Variants in BCAS4 observed in about 807,000 individuals in gnomAD.
The protein encoded by BCAS4 is breast carcinoma amplified sequence 4, also known as breast carcinoma-amplified sequence 4.
BCAS4 carries 9 observed loss-of-function variants against 15.7 expected under a neutral mutation model. That is an observed-to-expected ratio of 0.57 (90% CI 0.34 to 1.00). The LOEUF (loss-of-function observed/expected upper bound fraction) is 1.00, where lower values mean the gene tolerates loss of function less well. BCAS4 is among the 50% of genes least tolerant of loss of function. The pLI is 0.02. For missense variants in BCAS4, 225 were observed against 239.1 expected (o/e 0.94, Z 0.39); for synonymous variants, 101 against 99.5 (o/e 1.02, Z -0.09).
chr20:50,853,848 T>TG (rs1335304593), intron 4 of BCAS4, among the ~76,000 whole-genome samples: 1 of 115,800 alleles, frequency 8.6e-6, no homozygotes, highest in African/African-American at 4.0e-5. Flanking sequence ...TTTTGTGCAC[T>TG]GTAGATGTTT....
chr20:50,816,013 A>T (rs569847093), intron 1 of BCAS4, among the ~76,000 whole-genome samples: 1 of 151,990 alleles, frequency 6.6e-6, no homozygotes, highest in Non-Finnish European at 1.5e-5. Flanking sequence ...CTTGAGGGGG[A>T]AAAAAAACCT....
At chr20:50,815,875 G>A (rs1465361369) in intron 1 of BCAS4, among the ~76,000 whole-genome samples, 2 of 152,182 alleles carry the variant, frequency 1.3e-5, no homozygotes, top group African/African-American at 2.4e-5. Flanking sequence ...ACGCCTCCCT[G>A]GAGCAGGACG....
chr20:50,839,900 G>T (rs1316059988), intron 3 of BCAS4, among the ~76,000 whole-genome samples: 1 of 152,260 alleles, frequency 6.6e-6, no homozygotes, highest in Non-Finnish European at 1.5e-5. Context: ...ACAAGTAACT[G>T]TTGAGAGGTA....
At chr20:50,867,941 C>T (rs1979437528) in intron 4 of BCAS4, among the ~76,000 whole-genome samples, 1 of 152,136 alleles carries the variant, frequency 6.6e-6, no homozygotes. Context: ...AACACCCACA[C>T]AAAGTGATGG....
intron 2 of BCAS4, among the ~76,000 whole-genome samples, chr20:50,823,188 A>C (rs1286204149): frequency 6.6e-6 from 1 of 151,740 alleles, no homozygotes; most frequent in Non-Finnish European, 1.5e-5. Context: ...AAAAATACAA[A>C]AATTAGTTGG....
chr20:50,821,066 C>G (rs929726772), intron 2 of BCAS4, among the ~76,000 whole-genome samples: 18 of 152,234 alleles, frequency 1.2e-4, no homozygotes, highest in African/African-American at 4.1e-4. Flanking sequence ...CGACCACCTG[C>G]TGTGGGCAGC....
intron 1 of BCAS4, among the ~76,000 whole-genome samples, chr20:50,813,945 G>T (rs993507156): frequency 2.0e-5 from 3 of 152,052 alleles, no homozygotes; most frequent in African/African-American, 7.2e-5. Flanking sequence ...TGCCCAGGGG[G>T]TTGCGAAGAA....
intron 4 of BCAS4, among the ~76,000 whole-genome samples, chr20:50,842,962 T>C (rs2088503010): frequency 6.6e-6 from 1 of 152,248 alleles, no homozygotes; most frequent in South Asian, 2.1e-4. Flanking sequence ...GCCCATTTAG[T>C]GAGTGCTTTT....
chr20:50,822,052 A>G (rs2088222805), intron 2 of BCAS4, among the ~76,000 whole-genome samples: 1 of 152,232 alleles, frequency 6.6e-6, no homozygotes. Context: ...TTTGTGGGCT[A>G]GAGCAGGGCA....
At chr20:50,849,817 G>A (rs1978327153) in intron 4 of BCAS4, among the ~76,000 whole-genome samples, 1 of 152,172 alleles carries the variant, frequency 6.6e-6, no homozygotes, top group South Asian at 2.1e-4. Flanking sequence ...TTTTCTAACT[G>A]TTGAATACTG....
At chr20:50,863,980 G>C (rs1979228058) in intron 4 of BCAS4, among the ~76,000 whole-genome samples, 2 of 152,174 alleles carry the variant, frequency 1.3e-5, no homozygotes, top group Admixed American at 1.3e-4. Context: ...TGCCACCCCT[G>C]GCCTTTGCCC....
chr20:50,796,638 G>T (rs141691106), intron 1 of BCAS4, among the ~76,000 whole-genome samples: 2 of 148,470 alleles, frequency 1.3e-5, no homozygotes, highest in Admixed American at 1.4e-4. Context: ...GGGACTACAG[G>T]CGTGTGCCAC....
In BCAS4 at chr20:50,876,485, G is replaced by T; in HGVS notation, c.400-1G>T. ...TAGAGCTTCATTTCTTGTCATTCCA[G>T]AAGTCACCTGCACCGGTGCCCGTGA... On this transcript the variant is annotated splice_acceptor_variant, in intron 4 of 4. Transcript: ENST00000371608. LOFTEE classifies it high-confidence loss of function. 1.2e-6 allele frequency: 2 copies of T among 1,612,858 alleles called. No individual in the cohort carries two copies. The highest frequency in any genetic ancestry group is 1.7e-6 in the Non-Finnish European group (2 of 1,179,604).
chr20:50,843,842 G>A (rs541960929), intron 4 of BCAS4, among the ~76,000 whole-genome samples: 24 of 152,192 alleles, frequency 1.6e-4, no homozygotes, highest in African/African-American at 3.6e-4. Flanking sequence ...TCCCACTGAC[G>A]GCTTTAAAAG....
intron 4 of BCAS4, among the ~76,000 whole-genome samples, chr20:50,845,223 G>A (rs1249325859): frequency 6.6e-6 from 1 of 152,066 alleles, no homozygotes; most frequent in African/African-American, 2.4e-5. Flanking sequence ...TGATGTCTGG[G>A]CCCAGAGCTG....
intron 2 of BCAS4, among the ~76,000 whole-genome samples, chr20:50,818,747 G>A (rs199840767): frequency 1.3e-5 from 2 of 152,226 alleles, no homozygotes; most frequent in Non-Finnish European, 2.9e-5. Flanking sequence ...GTTGGGCATC[G>A]AGTTCCTTCC....
At chr20:50,847,032 G>A (rs1181874669) in intron 4 of BCAS4, among the ~76,000 whole-genome samples, 2 of 152,194 alleles carry the variant, frequency 1.3e-5, no homozygotes, top group Non-Finnish European at 2.9e-5. Context: ...GTTTGGATTT[G>A]ATGGAAAATG....
chr20:50,802,544 C>T (rs959465567), intron 1 of BCAS4, among the ~76,000 whole-genome samples: 15 of 152,164 alleles, frequency 9.9e-5, no homozygotes, highest in Non-Finnish European at 2.1e-4. Context: ...GTCTCCCATC[C>T]GGCCCAGCTT....
intron 2 of BCAS4, among the ~76,000 whole-genome samples, chr20:50,828,551 A>G (rs957136888): frequency 6.6e-6 from 1 of 152,162 alleles, no homozygotes; most frequent in Non-Finnish European, 1.5e-5. Flanking sequence ...AGGCCAAGGC[A>G]GGTGGATCAC....
Sources: gnomAD v4.1 joint callset for allele counts (sites outside exome capture counted in the v4.1 genomes callset) on GRCh38, gnomAD v4.1.1 for gene constraint, MANE v1.5 for transcripts, NCBI Gene and HGNC (gene_info 2026-07-23, HGNC 2026-07-21) for gene names.